Variants in ADRA1A observed in about 807,000 individuals in gnomAD.
ADRA1A encodes adrenoceptor alpha 1A.
In ADRA1A, 31 loss-of-function variants were observed where a neutral mutation model predicts 29.6. The observed-to-expected ratio is 1.05, with a 90% CI of 0.79 to 1.41. ADRA1A has a LOEUF of 1.41. Among genes scored for constraint, ADRA1A ranks in the 40% most tolerant of loss-of-function variants. ADRA1A has a pLI of 0.00. For missense variants in ADRA1A, 619 were observed against 601.1 expected (o/e 1.03, Z -0.31); for synonymous variants, 311 against 254.3 (o/e 1.22, Z -2.12).
In ADRA1A at chr8:26,769,052, C is replaced by T; in HGVS notation, c.*1097G>A. The T allele has an allele frequency of 1.0e-6, 1 of 985,418 alleles. No homozygotes were observed. The highest frequency in any genetic ancestry group is 1.2e-6 in the Non-Finnish European group (1 of 829,908). 61.0% of individuals were successfully genotyped at this position (985,418 alleles called of 1,614,324 possible). On this transcript the variant is annotated 3_prime_UTR_variant, in exon 3 of 3. Coordinates refer to ENST00000380573, the MANE Select transcript of ADRA1A (RefSeq NM_000680.4). Reference sequence around the variant, plus strand: ...TTTTTCAAAGTTCGGGAATAATGTACTTGGATCATAAGGCTCATTCCAACA... The same window carrying T: ...TTTTTCAAAGTTCGGGAATAATGTATTTGGATCATAAGGCTCATTCCAACA...
At chr8:26,800,279 A>G (rs1017810312) in intron 2 of ADRA1A, among the ~76,000 whole-genome samples, 1 of 152,090 alleles carries the variant, frequency 6.6e-6, no homozygotes, top group Non-Finnish European at 1.5e-5. Flanking sequence ...AGAAAAAATG[A>G]TCATCATCAA....
intron 2 of ADRA1A, among the ~76,000 whole-genome samples, chr8:26,844,855 C>T (rs1812086322): frequency 6.6e-6 from 1 of 152,026 alleles, no homozygotes; most frequent in African/African-American, 2.4e-5. Flanking sequence ...CTTCCCTGGA[C>T]CACAGTGGAA....
chr8:26,863,548 A>G (rs907863972), intron 2 of ADRA1A, among the ~76,000 whole-genome samples: 4 of 152,162 alleles, frequency 2.6e-5, no homozygotes, highest in African/African-American at 9.7e-5. Context: ...TTCCTTCCAT[A>G]CTGAATCCAG....
chr8:26,806,171 G>A lies in ADRA1A; in HGVS notation c.884-35505C>T, dbSNP rs1808967888. On this transcript the variant is annotated intron_variant, in intron 2 of 2. Coordinates refer to ENST00000380573, the MANE Select transcript of ADRA1A (RefSeq NM_000680.4). This position sits in a 1 kb window ranked among gnomAD's most constrained non-coding sequence, Gnocchi z 4.6. ...TTACTCCAAGAATGACCCATTATGG[G>A]TTATTAGCACTGCCCTGTTTTTAAC... 6.6e-6 allele frequency among the ~76,000 whole-genome samples: 1 copy of A among 152,180 alleles called. No homozygotes were observed. Among genetic ancestry groups the A allele is most frequent in the Non-Finnish European group, 1.5e-5 (1 of 68,040 alleles).
At chr8:26,826,183 G>A (rs1810548583) in intron 2 of ADRA1A, among the ~76,000 whole-genome samples, 1 of 152,214 alleles carries the variant, frequency 6.6e-6, no homozygotes, top group Non-Finnish European at 1.5e-5. Context: ...CTAAGACAAT[G>A]AAAAGAAGAA....
Position 26,864,964 on chromosome 8 carries a change from C to T in ADRA1A, c.6G>A (p.Val2=). Reference sequence around the variant, plus strand: ...TGTCGGAAGCATTTCCCGAGAGAAACACCATGGTCCCAGCCGGGGCCGGGC... The same window carrying T: ...TGTCGGAAGCATTTCCCGAGAGAAATACCATGGTCCCAGCCGGGGCCGGGC... M[V]FLSGNASDSS... is the part of the protein sequence containing the mutation. The change falls in exon 2 of 3, where the codon GTG becomes GTA. Residue 2 remains valine, a synonymous_variant. Transcript: ENST00000380573. The surrounding 1 kb of genome is among the most constrained non-coding windows in gnomAD (Gnocchi z 8.1). 1.3e-6 allele frequency: 2 copies of T among 1,599,940 alleles called. No individual in the cohort carries two copies. The highest frequency in any genetic ancestry group is 1.7e-6 in the Non-Finnish European group (2 of 1,174,830).
chr8:26,781,073 C>T (rs1417337869), intron 2 of ADRA1A, among the ~76,000 whole-genome samples: 1 of 152,198 alleles, frequency 6.6e-6, no homozygotes, highest in Non-Finnish European at 1.5e-5. Context: ...CATCTCCAGG[C>T]CCATGAAAAA....
intron 2 of ADRA1A, among the ~76,000 whole-genome samples, chr8:26,827,438 G>A (rs1166707346): frequency 1.3e-5 from 2 of 152,114 alleles, no homozygotes; most frequent in Non-Finnish European, 2.9e-5. Flanking sequence ...AAACTAGCTG[G>A]CATATAAAAA....
chr8:26,777,910 T>C (rs1563244797), intron 2 of ADRA1A, among the ~76,000 whole-genome samples: 2 of 152,322 alleles, frequency 1.3e-5, no homozygotes, highest in East Asian at 3.9e-4. Context: ...CTGAGGCACG[T>C]TGGTCTATGG....
intron 2 of ADRA1A, among the ~76,000 whole-genome samples, chr8:26,839,829 A>T (rs1032226732): frequency 1.3e-5 from 2 of 151,978 alleles, no homozygotes; most frequent in African/African-American, 4.8e-5. Flanking sequence ...GGAAAGGCAC[A>T]AACTATGTGA....
chr8:26,769,886 A>G lies in ADRA1A; in HGVS notation c.*263T>C. 1.7e-6 allele frequency: 2 copies of G among 1,201,546 alleles called. No homozygotes were observed. Among genetic ancestry groups the G allele is most frequent in the Non-Finnish European group, 2.1e-6 (2 of 967,636 alleles). 74.4% of individuals were successfully genotyped at this position (1,201,546 alleles called of 1,614,324 possible). On this transcript the variant is annotated 3_prime_UTR_variant, in exon 3 of 3. Coordinates refer to ENST00000380573, the MANE Select transcript of ADRA1A (RefSeq NM_000680.4). The stretch of plus-strand genomic sequence containing the variant: ...CTGTTTCCCATGGTGGTTTTCGTTG[A>G]AGTGGGCACAGAGTGACCAAGAAAG...
At chr8:26,852,515 A>G (rs1419688732) in intron 2 of ADRA1A, among the ~76,000 whole-genome samples, 1 of 152,156 alleles carries the variant, frequency 6.6e-6, no homozygotes, top group Non-Finnish European at 1.5e-5. Context: ...AAGAAGAAAG[A>G]TAGCAAAGAA....
intron 2 of ADRA1A, among the ~76,000 whole-genome samples, chr8:26,799,832 A>G: frequency 6.6e-6 from 1 of 152,236 alleles, no homozygotes. Flanking sequence ...CAAATTTTCA[A>G]AAGTGATTTA....
Position 26,796,677 on chromosome 8 carries a change from G to T in ADRA1A, c.884-26011C>A, listed in dbSNP as rs1299118346. On this transcript the variant is annotated intron_variant, in intron 2 of 2. Transcript: ENST00000380573. The surrounding 1 kb of genome is among the most constrained non-coding windows in gnomAD (Gnocchi z 5.0). ...GAGGGTATTTTAAATGAAGGGGAATGATGCTAAAGGAGGGTCAGTGTAAAA... is the reference window on the plus strand; with the variant it reads ...GAGGGTATTTTAAATGAAGGGGAATTATGCTAAAGGAGGGTCAGTGTAAAA... Among the ~76,000 whole-genome samples, 1 of 152,060 alleles carries T rather than the reference G, an allele frequency of 6.6e-6. No individual in the cohort carries two copies. Among genetic ancestry groups the T allele is most frequent in the Non-Finnish European group, 1.5e-5 (1 of 67,990 alleles).
At chr8:26,789,583 G>T (rs1807661432) in intron 2 of ADRA1A, among the ~76,000 whole-genome samples, 1 of 152,086 alleles carries the variant, frequency 6.6e-6, no homozygotes, top group Non-Finnish European at 1.5e-5. Context: ...TAAGGGAAAT[G>T]CTTCAGGACA....
At chr8:26,803,767 C>G (rs1224035552) in intron 2 of ADRA1A, among the ~76,000 whole-genome samples, 1 of 152,110 alleles carries the variant, frequency 6.6e-6, no homozygotes, top group Non-Finnish European at 1.5e-5. Flanking sequence ...CTAGAATAGA[C>G]ACTTGACATA....
At chr8:26,867,300 C>T, upstream of ADRA1A, 1 of 985,356 alleles carries the variant, frequency 1.0e-6, no homozygotes, top group Middle Eastern at 5.2e-4. Context: ...CAGCTAGTAC[C>T]GTAATCTCCT....
chr8:26,816,568 T>TGTGC (rs1491386057), intron 2 of ADRA1A, among the ~76,000 whole-genome samples: 1 of 148,042 alleles, frequency 6.8e-6, no homozygotes, highest in African/African-American at 2.5e-5. Context: ...TGTGTGTGTG[T>TGTGC]GCATCCACAT....
intron 2 of ADRA1A, among the ~76,000 whole-genome samples, chr8:26,844,892 T>C (rs1017636649): frequency 2.0e-5 from 3 of 152,158 alleles, no homozygotes; most frequent in South Asian, 2.1e-4. Flanking sequence ...GGGACACATA[T>C]AAAATACACT....
Sources: allele counts gnomAD v4.1 joint callset (sites outside exome capture counted in the v4.1 genomes callset), GRCh38; gene constraint gnomAD v4.1.1; non-coding constraint Gnocchi (gnomAD v3.1); transcripts MANE v1.5; gene names NCBI Gene and HGNC (gene_info 2026-07-23, HGNC 2026-07-21).